Variants in SGIP1 observed in about 807,000 individuals in gnomAD.
The protein encoded by SGIP1 is SH3GL interacting endocytic adaptor 1.
In SGIP1, 38 loss-of-function variants were observed where a neutral mutation model predicts 107.5. The observed-to-expected ratio is 0.35, with a 90% confidence interval of 0.27 to 0.46. The LOEUF is 0.46. SGIP1 is among the 20% of genes least tolerant of loss of function. SGIP1 has a pLI of 1.00. For missense variants in SGIP1, 929 were observed against 1,019.5 expected, an observed-to-expected ratio of 0.91 and a Z score of 1.21; for synonymous variants, 365 against 366.1, an observed-to-expected ratio of 1.00 and a Z score of 0.03.
At chr1:66,741,675 CATTATATAGATGTAT>C (rs1158941652) in intron 24 of SGIP1, among the ~76,000 whole-genome samples, 3 of 152,104 alleles carry the variant, frequency 2.0e-5, no homozygotes, top group Non-Finnish European at 2.9e-5. Context: ...TAGTTGTTCC[CATTATATAGATGTAT>C]ATACTGAGGT....
intron 1 of SGIP1, among the ~76,000 whole-genome samples, chr1:66,539,659 GC>G (rs1305472938): frequency 1.3e-5 from 2 of 152,132 alleles, no homozygotes; most frequent in Non-Finnish European, 2.9e-5. Flanking sequence ...CACACTGCCT[GC>G]CTCCTCATGT....
At chr1:66,689,379 C>T in intron 16 of SGIP1, 104 bp downstream of exon 16, 1 of 1,407,256 alleles carries the variant, frequency 7.1e-7, no homozygotes. Context: ...TACAAACAAC[C>T]CTGACAGGTG....
chr1:66,738,192 A>AT (rs1462889652), intron 21 of SGIP1, among the ~76,000 whole-genome samples: 2 of 152,364 alleles, frequency 1.3e-5, no homozygotes, highest in East Asian at 3.8e-4. Context: ...ATCAAAAGCC[A>AT]TATCTGTCAT....
At chr1:66,574,203 G>A (rs368392855) in intron 1 of SGIP1, among the ~76,000 whole-genome samples, 7 of 152,076 alleles carry the variant, frequency 4.6e-5, no homozygotes, top group South Asian at 4.1e-4. Flanking sequence ...GACAGGGAGC[G>A]GAAAGAGGCA....
At chr1:66,690,032 C>T (rs1282127900) in intron 16 of SGIP1, among the ~76,000 whole-genome samples, 158 bp from the exon 17 acceptor site, 2 of 152,206 alleles carry the variant, frequency 1.3e-5, no homozygotes, top group Non-Finnish European at 2.9e-5. Context: ...ATTCCACAAA[C>T]TCTCATATAG....
chr1:66,679,906 C>T (rs2086291147), intron 14 of SGIP1, among the ~76,000 whole-genome samples, 154 bp downstream of exon 14: 1 of 152,148 alleles, frequency 6.6e-6, no homozygotes, highest in Non-Finnish European at 1.5e-5. Flanking sequence ...CTTATGCAGA[C>T]TTATTTTAAA....
chr1:66,693,392 A>T (rs530417566), intron 17 of SGIP1, among the ~76,000 whole-genome samples: 1 of 152,324 alleles, frequency 6.6e-6, no homozygotes, highest in African/African-American at 2.4e-5. Flanking sequence ...GCTTAAAGTT[A>T]TTCTAAGAAA....
chr1:66,640,959 C>T (rs1366086622), intron 5 of SGIP1, among the ~76,000 whole-genome samples: 4 of 151,984 alleles, frequency 2.6e-5, no homozygotes, highest in Non-Finnish European at 5.9e-5. Context: ...TGCTTGAACC[C>T]GGGAGGCAGA....
chr1:66,597,001 T>C (rs1164820175), intron 1 of SGIP1, among the ~76,000 whole-genome samples: 1 of 152,166 alleles, frequency 6.6e-6, no homozygotes, highest in African/African-American at 2.4e-5. Flanking sequence ...AAAGATGTAT[T>C]TACTCCCTCA....
chr1:66,695,569 C>A, intron 18 of SGIP1, 76 bp downstream of exon 18: 1 of 1,431,692 alleles, frequency 7.0e-7, no homozygotes, highest in Non-Finnish European at 9.7e-7. Flanking sequence ...ATTTCCAAAT[C>A]CCAGTTCTCT....
intron 21 of SGIP1, among the ~76,000 whole-genome samples, chr1:66,737,448 T>C (rs543561901): frequency 1.3e-5 from 2 of 152,178 alleles, no homozygotes; most frequent in South Asian, 4.2e-4. Flanking sequence ...ATCCTAACAC[T>C]TTGGGAGGCT....
At chr1:66,549,139 CT>C (rs2056973614) in intron 1 of SGIP1, among the ~76,000 whole-genome samples, 1 of 7,356 alleles carries the variant, frequency 1.4e-4, no homozygotes. Context: ...GGCTACCTGC[CT>C]TCCTTCCTTC....
intron 8 of SGIP1, chr1:66,666,528 T>C (rs906942494): frequency 6.5e-6 from 1 of 153,084 alleles, no homozygotes; most frequent in East Asian, 1.9e-4. Flanking sequence ...GGTAGCTTGA[T>C]GGGAATGGCA....
chr1:66,667,507 C>T, intron 8 of SGIP1, 23 bp from the exon 9 acceptor site: 1 of 1,612,514 alleles, frequency 6.2e-7, no homozygotes, highest in Non-Finnish European at 8.5e-7. Context: ...TGTCTGTTCT[C>T]TCTTCCTTTT....
chr1:66,589,302 G>A (rs1169658269), intron 1 of SGIP1, among the ~76,000 whole-genome samples: 3 of 147,380 alleles, frequency 2.0e-5, no homozygotes. Context: ...TTTAATGTTT[G>A]CTGAAGAGGC....
chr1:66,536,095 T>C (rs1016068237), intron 1 of SGIP1, among the ~76,000 whole-genome samples: 2 of 152,230 alleles, frequency 1.3e-5, no homozygotes, highest in Non-Finnish European at 2.9e-5. Flanking sequence ...TCCAAGAATG[T>C]CAGTTCAAAG....
At chr1:66,603,822 G>T (rs1341683770) in intron 1 of SGIP1, among the ~76,000 whole-genome samples, 1 of 152,050 alleles carries the variant, frequency 6.6e-6, no homozygotes, top group Non-Finnish European at 1.5e-5. Flanking sequence ...AATAACAAAA[G>T]TTGCTATGGA....
At position 66,593,862 on chromosome 1, in the gene SGIP1, T is replaced by C. The variant is rs1242357302; in HGVS notation, c.11-31985T>C. On this transcript the variant is annotated intron_variant, in intron 1 of 24. Coordinates refer to ENST00000371037, the MANE Select transcript of SGIP1 (RefSeq NM_032291.4). ...AGTTTTTCTTTTTAAAAAAATCTCTTATATTTCCTGTTTTTCTAAATAAGA... is the reference window on the plus strand; with the variant it reads ...AGTTTTTCTTTTTAAAAAAATCTCTCATATTTCCTGTTTTTCTAAATAAGA... 3.3e-5 allele frequency among the ~76,000 whole-genome samples: 5 copies of C among 152,256 alleles called. No individual in the cohort carries two copies. The East Asian group carries it at 7.7e-4, about 23-fold the overall frequency.
intron 1 of SGIP1, among the ~76,000 whole-genome samples, chr1:66,552,156 G>A (rs997219854): frequency 8.5e-5 from 13 of 152,148 alleles, no homozygotes; most frequent in African/African-American, 2.9e-4. Flanking sequence ...TGATGGGCTT[G>A]TTAAGAAAGC....
Sources: gnomAD v4.1 joint callset for allele counts (sites outside exome capture counted in the v4.1 genomes callset) on GRCh38, gnomAD v4.1.1 for gene constraint, MANE v1.5 for transcripts, NCBI Gene and HGNC (gene_info 2026-07-23, HGNC 2026-07-21) for gene names.